TRIOBP: variants seen among roughly 807,000 people sequenced by gnomAD.
TRIOBP encodes the protein TRIO and F-actin binding protein.
TRIOBP carries 169 observed loss-of-function variants against 238.8 expected under a neutral mutation model. The ratio of observed to expected loss-of-function variants is 0.71; its 90% CI spans 0.62 to 0.80. The LOEUF (loss-of-function observed/expected upper bound fraction) is 0.80, where lower values mean the gene tolerates loss of function less well. Ranked by LOEUF, TRIOBP falls within the 30% of genes least tolerant of loss-of-function variation. The pLI is 0.00. For synonymous variants in TRIOBP, 1,150 were observed against 1,274.4 expected (o/e 0.90, Z 2.08); for missense variants, 2,838 against 3,122.6 (o/e 0.91, Z 2.17).
At chr22:37,729,127 A>G (rs1924309544) in intron 7 of TRIOBP, among the ~76,000 whole-genome samples, 1 of 152,088 alleles carries the variant, frequency 6.6e-6, no homozygotes, top group Non-Finnish European at 1.5e-5. Flanking sequence ...CCTGTTGCCC[A>G]GGCTAGTCTT....
intron 21 of TRIOBP, among the ~76,000 whole-genome samples, chr22:37,770,388 T>C (rs1473701765): frequency 1.5e-5 from 2 of 137,408 alleles, no homozygotes; most frequent in Non-Finnish European, 3.1e-5. Context: ...AGGCGGAGCG[T>C]GCAGTGAGCC....
rs756728980 is a variant in TRIOBP, at chr22:37,758,033, G to C, written c.6108G>C (p.Leu2036=). 6.2e-7 allele frequency: 1 copy of C among 1,611,552 alleles called. No homozygotes were observed. Residue 2036 remains leucine, a synonymous_variant, in exon 16 of 24, where the codon CTG becomes CTC. Transcript: ENST00000644935. ...IEKKWQELEK[L]PLRENKRVPL... is the part of the protein sequence containing the mutation. ...AGAAGTGGCAGGAGCTGGAGAAGCT[G>C]CCCCTGCGGGAGAATAAGCGGGTGC...
chr22:37,723,206 G>A lies in TRIOBP; in HGVS notation c.650G>A (p.Ser217Asn), dbSNP rs12628603. Residue 217 changes from serine to asparagine, a missense_variant, in exon 7 of 24, where the codon AGC becomes AAC. This residue lies in a region of TRIOBP where 535 missense variants were observed against 537.3 expected (regional missense o/e 1.00). Transcript: ENST00000644935. ...KKEDTGGGGR[S>N]AGQHWARLRG... ...CCAGACACCGGCGGTGGGGGCCGGAGCGCAGGACAGCACTGGGCAAGGCTC... is the reference window on the plus strand; with the variant it reads ...CCAGACACCGGCGGTGGGGGCCGGAACGCAGGACAGCACTGGGCAAGGCTC... The A allele has an allele frequency of 0.59, 956,341 of 1,613,244 alleles. 286,932 individuals carry two copies. The highest frequency in any genetic ancestry group is 0.64 in the East Asian group (28,874 of 44,858).
intron 3 of TRIOBP, among the ~76,000 whole-genome samples, chr22:37,703,722 C>G (rs559871984): frequency 2.0e-5 from 3 of 151,322 alleles, no homozygotes; most frequent in Non-Finnish European, 4.4e-5. Flanking sequence ...GCCAGGATGG[C>G]CTCGATCTTC....
At chr22:37,749,152 C>T (rs1208939038) in intron 11 of TRIOBP, among the ~76,000 whole-genome samples, 4 of 151,692 alleles carry the variant, frequency 2.6e-5, no homozygotes, top group Non-Finnish European at 4.4e-5. Context: ...GTCAGGAGTT[C>T]GAGACCAGCC....
chr22:37,736,878 TG>T (rs2145844352), intron 9 of TRIOBP, among the ~76,000 whole-genome samples: 1 of 152,052 alleles, frequency 6.6e-6, no homozygotes, highest in East Asian at 1.9e-4. Context: ...GCATCCACCT[TG>T]GCCTCCCAAA....
intron 3 of TRIOBP, among the ~76,000 whole-genome samples, chr22:37,705,984 T>C (rs1349936266): frequency 6.6e-6 from 1 of 152,024 alleles, no homozygotes; most frequent in African/African-American, 2.4e-5. Context: ...TGAGAGTGAA[T>C]CAGGTGACCC....
intron 11 of TRIOBP, chr22:37,751,390 G>A (rs1224606962): frequency 1.7e-5 from 6 of 359,992 alleles, no homozygotes; most frequent in Admixed American, 3.8e-5. Context: ...GACAGTTCGC[G>A]CAGTGCTGCT....
intron 4 of TRIOBP, 152 bp from the exon 5 acceptor site, chr22:37,713,058 A>G: frequency 1.7e-6 from 1 of 602,376 alleles, no homozygotes; most frequent in South Asian, 2.2e-5. Context: ...CCATATAAAA[A>G]GTCTGACACA....
intron 18 of TRIOBP, among the ~76,000 whole-genome samples, chr22:37,766,522 C>T (rs1327618407): frequency 3.3e-5 from 5 of 152,228 alleles, no homozygotes; most frequent in Non-Finnish European, 7.3e-5. Context: ...TGTTAGAGAC[C>T]CCTTCCCCCT....
chr22:37,699,651 C>T (rs541787104), intron 2 of TRIOBP, among the ~76,000 whole-genome samples: 36 of 152,154 alleles, frequency 2.4e-4, no homozygotes, highest in African/African-American at 8.2e-4. Context: ...AAGTGATTCT[C>T]CTGCCTCAGC....
chr22:37,759,146 C>T lies in TRIOBP; in HGVS notation c.6214-8C>T, dbSNP rs1211449304. 1.9e-6 allele frequency: 3 copies of T among 1,607,192 alleles called. No individual in the cohort carries two copies. In the East Asian group the frequency reaches 6.7e-5, roughly 36 times the overall value. On this transcript the variant is annotated splice_polypyrimidine_tract_variant and splice_region_variant and intron_variant, in intron 16 of 23. Transcript: ENST00000644935. ...CCAGGTCCCACTGACCACCCTTCTC[C>T]CTCGTAGGTTCAGGCTCTTCGGGCC... is the stretch of plus-strand genomic sequence containing the variant.
chr22:37,731,913 C>T (rs1037886520), intron 7 of TRIOBP, among the ~76,000 whole-genome samples: 2 of 151,220 alleles, frequency 1.3e-5, no homozygotes, highest in Admixed American at 6.6e-5. Flanking sequence ...TTGAAGGTGT[C>T]GTTCCAGCAT....
At chr22:37,720,982 C>T (rs865919153) in intron 6 of TRIOBP, among the ~76,000 whole-genome samples, 3 of 152,056 alleles carry the variant, frequency 2.0e-5, no homozygotes, top group African/African-American at 4.8e-5. Flanking sequence ...CTCTGCCTCC[C>T]GAGTAGCTGG....
intron 17 of TRIOBP, among the ~76,000 whole-genome samples, chr22:37,763,158 C>T (rs1205456803): frequency 2.0e-5 from 3 of 152,190 alleles, no homozygotes; most frequent in African/African-American, 7.2e-5. Context: ...GTGCCCACCC[C>T]CACATTGCTG....
Position 37,765,278 on chromosome 22 carries a change from TCAAAAA to T in TRIOBP, c.6325-373_6325-368del, listed in dbSNP as rs199577656. On this transcript the variant is annotated intron_variant, in intron 17 of 23. Coordinates refer to ENST00000644935, the MANE Select transcript of TRIOBP (RefSeq NM_001039141.3). ...CTGGGTGACAGAACAAAACTCTGTCTCAAAAACAAAAACAAAAACAAAAAAACCACA... is the reference window on the plus strand; with the variant it reads ...CTGGGTGACAGAACAAAACTCTGTCTCAAAAACAAAAACAAAAAAACCACA... 5.7e-3 allele frequency among the ~76,000 whole-genome samples: 871 copies of T among 152,112 alleles called. 19 individuals carry two copies. Among genetic ancestry groups the T allele is most frequent in the Admixed American group, 0.048 (737 of 15,274 alleles).
intron 9 of TRIOBP, 54 bp downstream of exon 9, chr22:37,735,496 C>G: frequency 6.5e-7 from 1 of 1,534,856 alleles, no homozygotes; most frequent in Admixed American, 2.0e-5. Context: ...CCCACTCAGC[C>G]AAGTCTCCTT....
At position 37,754,971 on chromosome 22, in the gene TRIOBP, C is replaced by T; in HGVS notation, c.5474C>T (p.Ser1825Phe). 6.2e-7 allele frequency: 1 copy of T among 1,614,052 alleles called. No individual in the cohort carries two copies. Among genetic ancestry groups the T allele is most frequent in the South Asian group, 1.1e-5 (1 of 91,070 alleles). The part of the protein sequence containing the change: ...TDSSLKYYRD[S>F]TAEEADELDG... Reference sequence around the variant, plus strand: ...TCAAGTCTCAAATATTACAGAGACTCCACTGCTGAGGAGGTGAGGCCATGG... The same window carrying T: ...TCAAGTCTCAAATATTACAGAGACTTCACTGCTGAGGAGGTGAGGCCATGG... The change falls in exon 13 of 24, where the codon TCC becomes TTC. Residue 1825 changes from serine to phenylalanine, a missense_variant. Transcript: ENST00000644935.
chr22:37,748,156 TAGAG>T (rs1240740288), intron 11 of TRIOBP, among the ~76,000 whole-genome samples: 1 of 152,104 alleles, frequency 6.6e-6, no homozygotes, highest in Non-Finnish European at 1.5e-5. Flanking sequence ...ACAGGGGCAA[TAGAG>T]AGCCATGAAA....
Sources: gnomAD v4.1 joint callset for allele counts (sites outside exome capture counted in the v4.1 genomes callset) on GRCh38, gnomAD v4.1.1 for gene constraint, gnomAD v4.1.1 regional missense constraint, MANE v1.5 for transcripts, NCBI Gene and HGNC (gene_info 2026-07-23, HGNC 2026-07-21) for gene names.